The following EFEMP1 variants were observed in gnomAD, a reference collection of about 807,000 sequenced individuals.
EFEMP1 encodes the protein EGF-containing fibulin-like extracellular matrix protein 1.
In EFEMP1, 18 loss-of-function variants were observed where a neutral mutation model predicts 65.7. The observed-to-expected ratio is 0.27, with a 90% CI of 0.19 to 0.41. The LOEUF (loss-of-function observed/expected upper bound fraction) is 0.41, where lower values mean the gene tolerates loss of function less well. Ranked by LOEUF, EFEMP1 falls within the 10% of genes least tolerant of loss-of-function variation. EFEMP1 has a pLI of 1.00. For synonymous variants in EFEMP1, 237 were observed against 219.7 expected (o/e 1.08, Z -0.70); for missense variants, 469 against 624.8 (o/e 0.75, Z 2.66).
At position 55,867,545 on chromosome 2, in the gene EFEMP1, G is replaced by A. The variant is rs1283739528; in HGVS notation, c.1321-311C>T. 1.3e-5 allele frequency among the ~76,000 whole-genome samples: 2 copies of A among 151,676 alleles called. No homozygotes were observed. Among genetic ancestry groups the A allele is most frequent in the Admixed American group, 6.6e-5 (1 of 15,188 alleles). ...AGTTGTGGACTTTACAGAGACTAGA[G>A]CTTAAGTGAGAATCTGATAATTTCT... is the stretch of plus-strand genomic sequence containing the variant. On this transcript the variant is annotated intron_variant, in intron 11 of 11. Transcript: ENST00000355426. This position sits in a 1 kb window ranked among gnomAD's most constrained non-coding sequence, Gnocchi z 4.3.
chr2:55,880,815 T>G (rs993544710), intron 6 of EFEMP1, among the ~76,000 whole-genome samples: 8 of 152,314 alleles, frequency 5.3e-5, no homozygotes, highest in African/African-American at 1.9e-4. Context: ...TCCTCATACT[T>G]TGATCTTCCA....
At chr2:55,868,266 TTTTAGCATCTGC>T (rs1668663842) in intron 11 of EFEMP1, among the ~76,000 whole-genome samples, 1 of 152,218 alleles carries the variant, frequency 6.6e-6, no homozygotes, top group Non-Finnish European at 1.5e-5. Context: ...TTAAATTTTA[TTTTAGCATCTGC>T]TATGTGCCAG....
At chr2:55,891,266 A>G (rs1669617576) in intron 5 of EFEMP1, among the ~76,000 whole-genome samples, 1 of 152,100 alleles carries the variant, frequency 6.6e-6, no homozygotes, top group Admixed American at 6.5e-5. Context: ...AAATACACAA[A>G]CGATTCAATG....
intron 5 of EFEMP1, among the ~76,000 whole-genome samples, chr2:55,889,172 A>G (rs1161997513): frequency 6.6e-6 from 1 of 152,242 alleles, no homozygotes. Flanking sequence ...TTGAGGTCGC[A>G]TAAGCCCCTG....
chr2:55,892,078 G>A (rs540418710), intron 5 of EFEMP1, among the ~76,000 whole-genome samples: 12 of 152,042 alleles, frequency 7.9e-5, no homozygotes, highest in Non-Finnish European at 1.3e-4. Flanking sequence ...GTGCCTAAAG[G>A]CCATAAGGGA....
At chr2:55,904,390 TTA>T (rs1670163103) in intron 5 of EFEMP1, among the ~76,000 whole-genome samples, 1 of 152,236 alleles carries the variant, frequency 6.6e-6, no homozygotes, top group Non-Finnish European at 1.5e-5. Flanking sequence ...ATGGTTAATT[TTA>T]TGTGTCAACT....
Position 55,921,554 on chromosome 2 carries a change from C to G in EFEMP1, c.81+806G>C, listed in dbSNP as rs566357158. Among the ~76,000 whole-genome samples, 1 of 152,186 alleles carries G rather than the reference C, an allele frequency of 6.6e-6. No homozygotes were observed. The highest frequency in any genetic ancestry group is 1.5e-5 in the Non-Finnish European group (1 of 68,036). ...TCATTTGCCTAACACTGATTAAAGA[C>G]AAGAAAACACAGAACAGAGGTGCAA... On this transcript the variant is annotated intron_variant, in intron 3 of 11. Transcript: ENST00000355426. This position sits in a 1 kb window ranked among gnomAD's most constrained non-coding sequence, Gnocchi z 4.1.
At chr2:55,892,382 G>T (rs1572815590) in intron 5 of EFEMP1, among the ~76,000 whole-genome samples, 1 of 152,136 alleles carries the variant, frequency 6.6e-6, no homozygotes, top group South Asian at 2.1e-4. Flanking sequence ...TGGATCTTGG[G>T]AAACCTGAGT....
intron 5 of EFEMP1, among the ~76,000 whole-genome samples, chr2:55,891,152 A>C (rs1378045347): frequency 6.6e-5 from 10 of 152,074 alleles, no homozygotes; most frequent in Non-Finnish European, 1.3e-4. Context: ...AAATAGAATA[A>C]ATGGCTAGAA....
intron 11 of EFEMP1, among the ~76,000 whole-genome samples, chr2:55,869,335 T>C (rs1572777810): frequency 6.6e-6 from 1 of 152,280 alleles, no homozygotes. Flanking sequence ...CTAGAATTAG[T>C]TAATTGGTAG....
rs1668768099 is a variant in EFEMP1 at position 55,870,629 on chromosome 2, A to C, written c.1320+91T>G. On this transcript the variant is annotated intron_variant, in intron 11 of 11. Coordinates refer to ENST00000355426, the MANE Select transcript of EFEMP1 (RefSeq NM_001039348.3). This position sits in a 1 kb window ranked among gnomAD's most constrained non-coding sequence, Gnocchi z 5.8. ...CACTTTAAATGTTTGCTTTCCTTCC[A>C]CATGTGGATACCACACAACAACAAC... The C allele has an allele frequency of 1.3e-6, 2 of 1,509,918 alleles. No individual in the cohort carries two copies. The highest frequency in any genetic ancestry group is 9.2e-7 in the Non-Finnish European group (1 of 1,092,360). 93.5% of individuals were successfully genotyped at this position (1,509,918 alleles called of 1,614,324 possible).
rs377455437 is a variant in EFEMP1, at chr2:55,923,695, C to T, written c.-49+16G>A. ...ACTGGGCTCGCTCGGGGCGACCCCC[C>T]GTTGGGGGCTCCTACCTGTGCGGCC... On this transcript the variant is annotated intron_variant, in intron 1 of 11. Coordinates refer to ENST00000355426, the MANE Select transcript of EFEMP1 (RefSeq NM_001039348.3). The surrounding 1 kb of genome is among the most constrained non-coding windows in gnomAD (Gnocchi z 5.3). The T allele has an allele frequency of 3.0e-6, 3 of 985,620 alleles. No homozygotes were observed. The South Asian group carries it at 1.4e-4, about 46-fold the overall frequency. The allele number at this position is 985,620 out of a possible 1,614,324, so 61.1% of individuals were successfully genotyped here. A position where few individuals can be genotyped will look rare whatever the true frequency, so the allele number is the denominator to read the frequency against.
chr2:55,907,553 A>G (rs1472021357), intron 5 of EFEMP1, among the ~76,000 whole-genome samples: 1 of 152,230 alleles, frequency 6.6e-6, no homozygotes, highest in Non-Finnish European at 1.5e-5. Flanking sequence ...ATTGGGATAT[A>G]TAAGTTTTCA....
rs376660816 is a variant in EFEMP1, at chr2:55,922,321, C to T, written c.81+39G>A. On this transcript the variant is annotated intron_variant, in intron 3 of 11. Coordinates refer to ENST00000355426, the MANE Select transcript of EFEMP1 (RefSeq NM_001039348.3). The surrounding 1 kb of genome is among the most constrained non-coding windows in gnomAD (Gnocchi z 5.5). ...AAAGTCTTTTTTTGTCACAGAATCC[C>T]GCTGAACCGTACTTATTTCAAATTC... The T allele has an allele frequency of 4.4e-6, 7 of 1,597,240 alleles. No homozygotes were observed. The highest frequency in any genetic ancestry group is 2.7e-5 in the African/African-American group (2 of 74,528).
chr2:55,917,852 A>G lies in EFEMP1; in HGVS notation c.330T>C (p.Ser110=). The change falls in exon 5 of 12, where the codon AGT becomes AGC. Residue 110 remains serine (S), a synonymous_variant. Transcript: ENST00000355426. The surrounding 1 kb of genome is among the most constrained non-coding windows in gnomAD (Gnocchi z 6.3). ...CAAAACCACCCCCGGGCAACACTCC[A>G]CTGGTTGCCATGCTGCTGGCAGCTA... ...GVVAASSMAT[S]GVLPGGGFVA... is the part of the protein sequence containing the mutation. 1 of 1,614,216 alleles carries G rather than the reference A, an allele frequency of 6.2e-7. No individual in the cohort carries two copies. Among genetic ancestry groups the G allele is most frequent in the Non-Finnish European group, 8.5e-7 (1 of 1,180,036 alleles).
At chr2:55,894,102 T>C (rs1669728037) in intron 5 of EFEMP1, among the ~76,000 whole-genome samples, 1 of 152,200 alleles carries the variant, frequency 6.6e-6, no homozygotes, top group African/African-American at 2.4e-5. Context: ...TGTTGATGGC[T>C]ACAGAATCGC....
chr2:55,894,185 A>G (rs1430194), intron 5 of EFEMP1, among the ~76,000 whole-genome samples: 73,916 of 151,984 alleles, frequency 0.49, 20,310 homozygotes, highest in East Asian at 0.89. Context: ...CTCTAATTAG[A>G]ACCTACATGT....
At position 55,873,937 on chromosome 2, in the gene EFEMP1, T is replaced by C. The variant is rs574936247; in HGVS notation, c.1000+1009A>G. Among the ~76,000 whole-genome samples the C allele has an allele frequency of 5.2e-4, 79 of 151,958 alleles. No individual in the cohort carries two copies. Among genetic ancestry groups the C allele is most frequent in the Non-Finnish European group, 1.3e-4 (9 of 67,956 alleles). ...CCAACTCTGATTAAAAAGGACTCTC[T>C]ACAGAAGACGTACTACTGGTCACTT... is the stretch of plus-strand genomic sequence containing the variant. On this transcript the variant is annotated intron_variant, in intron 9 of 11. Coordinates refer to ENST00000355426, the MANE Select transcript of EFEMP1 (RefSeq NM_001039348.3). The surrounding 1 kb of genome is among the most constrained non-coding windows in gnomAD (Gnocchi z 4.6).
intron 5 of EFEMP1, among the ~76,000 whole-genome samples, chr2:55,915,077 T>C (rs899456522): frequency 6.6e-6 from 1 of 152,222 alleles, no homozygotes; most frequent in Non-Finnish European, 1.5e-5. Flanking sequence ...TGTTATCATA[T>C]GAAATAACCC....
Sources: gnomAD v4.1 joint callset for allele counts (sites outside exome capture counted in the v4.1 genomes callset) on GRCh38, gnomAD v4.1.1 for gene constraint, Gnocchi (gnomAD v3.1) non-coding constraint, MANE v1.5 for transcripts, NCBI Gene and HGNC (gene_info 2026-07-23, HGNC 2026-07-21) for gene names.